UBE2R2: variants seen among roughly 807,000 people sequenced by gnomAD.
The protein encoded by UBE2R2 is ubiquitin-conjugating enzyme E2 R2.
A neutral mutation model predicts 27.8 loss-of-function variants in UBE2R2; 1 was observed. The ratio of observed to expected loss-of-function variants is 0.04; its 90% CI spans 0.01 to 0.17. The LOEUF is 0.17. Among genes scored for constraint, UBE2R2 ranks in the 10% least tolerant of loss-of-function variants. UBE2R2 has a pLI of 1.00. For synonymous variants in UBE2R2, 106 were observed against 113.3 expected, an observed-to-expected ratio of 0.94 and a Z score of 0.41; for missense variants, 100 against 291.0, an observed-to-expected ratio of 0.34 and a Z score of 4.78.
intron 1 of UBE2R2, among the ~76,000 whole-genome samples, chr9:33,884,235 T>TCTCTCTCTCTCTCTCTCTCTCTCTC (rs71506145): frequency 9.0e-6 from 1 of 110,824 alleles, no homozygotes; most frequent in African/African-American, 3.7e-5. Flanking sequence ...TCTCTCTCTC[T>TCTCTCTCTCTCTCTCTCTCTCTCTC]TCCCCCTCTC....
intron 1 of UBE2R2, among the ~76,000 whole-genome samples, chr9:33,842,944 T>A (rs1430408333): frequency 7.2e-6 from 1 of 139,606 alleles, no homozygotes; most frequent in African/African-American, 2.7e-5. Flanking sequence ...AAGGCTGAGG[T>A]GGGAGGATGG....
intron 2 of UBE2R2, among the ~76,000 whole-genome samples, chr9:33,887,646 TTTTGTTTGTTTGTTTGTTTGTTTG>T (rs201263026): frequency 2.7e-5 from 4 of 150,124 alleles, no homozygotes; most frequent in Admixed American, 1.3e-4. Context: ...AAGTGTGCTT[TTTTGTTTGTTTGTTTGTTTGTTTG>T]TTTGTTTGTT....
At chr9:33,815,842 T>C (rs1487281896), upstream of UBE2R2, among the ~76,000 whole-genome samples, 1 of 152,238 alleles carries the variant, frequency 6.6e-6, no homozygotes, top group African/African-American at 2.4e-5. Flanking sequence ...TGCCAGTCAC[T>C]ACGCTAAATG....
At chr9:33,890,537 C>A (rs936524772) in intron 2 of UBE2R2, among the ~76,000 whole-genome samples, 1 of 151,854 alleles carries the variant, frequency 6.6e-6, no homozygotes, top group Non-Finnish European at 1.5e-5. Flanking sequence ...TAAGGCCGGG[C>A]TCGGTGGCTC....
chr9:33,863,447 G>A (rs572221493), intron 1 of UBE2R2, among the ~76,000 whole-genome samples: 7 of 151,992 alleles, frequency 4.6e-5, no homozygotes, highest in East Asian at 3.9e-4. Context: ...GGGAGGCAGA[G>A]GTTGCAGTGA....
intron 1 of UBE2R2, among the ~76,000 whole-genome samples, chr9:33,865,716 A>G (rs1587455285): frequency 1.3e-5 from 2 of 152,236 alleles, no homozygotes; most frequent in Middle Eastern, 3.4e-3. Context: ...GTTCCGGTTG[A>G]ACCATGTCAT....
chr9:33,917,502 T>C lies in UBE2R2; in HGVS notation c.*265T>C. The C allele has an allele frequency of 3.6e-6, 2 of 556,454 alleles. No individual in the cohort carries two copies. The highest frequency in any genetic ancestry group is 7.2e-5 in the Admixed American group (2 of 27,936). The allele number at this position is 556,454 out of a possible 1,614,324, so 34.5% of individuals were successfully genotyped here. On this transcript the variant is annotated 3_prime_UTR_variant, in exon 5 of 5. Transcript: ENST00000263228. ...ATATTGATTCTTTTTTTAAAAAATA[T>C]GAACCCAAACTCCCGCCTCACTTCG...
intron 1 of UBE2R2, among the ~76,000 whole-genome samples, chr9:33,864,519 C>G (rs484194): frequency 1.3e-5 from 2 of 152,066 alleles, no homozygotes; most frequent in Non-Finnish European, 2.9e-5. Context: ...CTTTTCAACT[C>G]TTCTGGAATT....
At chr9:33,875,740 C>T (rs1021609974) in intron 1 of UBE2R2, among the ~76,000 whole-genome samples, 1 of 152,228 alleles carries the variant, frequency 6.6e-6, no homozygotes, top group African/African-American at 2.4e-5. Context: ...CTAGCAAAGA[C>T]AATGCTTAGA....
intron 1 of UBE2R2, among the ~76,000 whole-genome samples, chr9:33,826,149 A>T (rs1820311456): frequency 2.0e-5 from 3 of 151,928 alleles, no homozygotes; most frequent in Non-Finnish European, 4.4e-5. Flanking sequence ...CTGTCTCAAA[A>T]AAAAAAAAAA....
chr9:33,885,732 C>T (rs1821839761), intron 1 of UBE2R2, among the ~76,000 whole-genome samples: 4 of 152,170 alleles, frequency 2.6e-5, no homozygotes, highest in Admixed American at 2.6e-4. Flanking sequence ...TAAATATCTA[C>T]TCCTTGAATT....
intron 1 of UBE2R2, among the ~76,000 whole-genome samples, chr9:33,859,302 G>C (rs1821172899): frequency 6.6e-6 from 1 of 152,104 alleles, no homozygotes; most frequent in South Asian, 2.1e-4. Flanking sequence ...TCTGCTCAAA[G>C]CTGACATATT....
Position 33,918,515 on chromosome 9 carries a change from T to G in UBE2R2, c.*1278T>G, listed in dbSNP as rs746049799. The G allele has an allele frequency of 6.6e-6, 1 of 152,112 alleles. No homozygotes were observed. The highest frequency in any genetic ancestry group is 1.5e-5 in the Non-Finnish European group (1 of 68,026). The allele number at this position is 152,112 out of a possible 1,614,324, so 9.4% of individuals were successfully genotyped here. A position where few individuals can be genotyped will look rare whatever the true frequency, so the allele number is the denominator to read the frequency against. On this transcript the variant is annotated 3_prime_UTR_variant, in exon 5 of 5. Transcript: ENST00000263228. ...TAGGCCAGATAAGGCTAGATCTTCC[T>G]GCAATGCACTTGCTGCAGCTTTGAT... is the stretch of plus-strand genomic sequence containing the variant.
chr9:33,891,773 T>G (rs1024404627), intron 2 of UBE2R2, among the ~76,000 whole-genome samples: 2 of 152,142 alleles, frequency 1.3e-5, no homozygotes, highest in African/African-American at 4.8e-5. Context: ...TGAGTGGATT[T>G]ATTTTAAAAT....
At chr9:33,852,133 G>A (rs574133264) in intron 1 of UBE2R2, among the ~76,000 whole-genome samples, 3 of 152,174 alleles carry the variant, frequency 2.0e-5, no homozygotes, top group African/African-American at 7.2e-5. Flanking sequence ...AACATAGTGA[G>A]ACCCTGTCTC....
chr9:33,873,764 C>A (rs1821539596), intron 1 of UBE2R2, among the ~76,000 whole-genome samples: 1 of 151,990 alleles, frequency 6.6e-6, no homozygotes, highest in Admixed American at 6.6e-5. Context: ...ACCTGAGCAT[C>A]CTGAGTGGTC....
At chr9:33,846,015 A>T (rs150941924) in intron 1 of UBE2R2, among the ~76,000 whole-genome samples, 1 of 151,774 alleles carries the variant, frequency 6.6e-6, no homozygotes, top group Non-Finnish European at 1.5e-5. Flanking sequence ...AGTTCCAGCT[A>T]CTCGGGAGGC....
At chr9:33,861,558 C>T (rs1373283580) in intron 1 of UBE2R2, among the ~76,000 whole-genome samples, 1 of 151,874 alleles carries the variant, frequency 6.6e-6, no homozygotes, top group Non-Finnish European at 1.5e-5. Context: ...TGCCACTGCA[C>T]TCTAGCCTAG....
At chr9:33,884,080 C>A (rs1821795721) in intron 1 of UBE2R2, among the ~76,000 whole-genome samples, 1 of 151,844 alleles carries the variant, frequency 6.6e-6, no homozygotes, top group Non-Finnish European at 1.5e-5. Context: ...ATTACTTGAG[C>A]CCAGAATGTC....
Sources: allele counts gnomAD v4.1 joint callset (sites outside exome capture counted in the v4.1 genomes callset), GRCh38; gene constraint gnomAD v4.1.1; transcripts MANE v1.5; gene names NCBI Gene and HGNC (gene_info 2026-07-23, HGNC 2026-07-21).